The following MTM1 variants were observed in gnomAD, a reference collection of about 807,000 sequenced individuals.
MTM1 encodes the protein myotubularin.
In MTM1, 9 loss-of-function variants were observed where a neutral mutation model predicts 52.1. The observed-to-expected ratio is 0.17, with a 90% CI of 0.10 to 0.30. The LOEUF is 0.30. Ranked by LOEUF, MTM1 falls within the 10% of genes least tolerant of loss-of-function variation. MTM1 has a pLI of 1.00. For missense variants in MTM1, 277 were observed against 470.7 expected (o/e 0.59, Z 3.81); for synonymous variants, 136 against 163.8 (o/e 0.83, Z 1.29).
intron 10 of MTM1, among the ~76,000 whole-genome samples, chrX:150,656,930 C>T (rs1483776184): frequency 8.9e-6 from 1 of 111,899 alleles, no homozygotes; most frequent in Non-Finnish European, 1.9e-5. Flanking sequence ...GAGATACCAT[C>T]TCACACCAGT....
At chrX:150,583,313 T>A (rs1557411972) in intron 1 of MTM1, among the ~76,000 whole-genome samples, 1 of 54,981 alleles carries the variant, frequency 1.8e-5, no homozygotes, top group Non-Finnish European at 2.9e-5. Flanking sequence ...TTATATATAA[T>A]TATAAATATA....
chrX:150,622,109 G>A (rs1353064024), intron 6 of MTM1, among the ~76,000 whole-genome samples: 1 of 107,932 alleles, frequency 9.3e-6, no homozygotes, highest in Admixed American at 1.0e-4. Flanking sequence ...GATTTCTCAA[G>A]TCTGTGGTAC....
intron 6 of MTM1, among the ~76,000 whole-genome samples, chrX:150,631,893 CATGTTTGATTTTATTTCT>C (rs1557413585): frequency 9.0e-6 from 1 of 111,080 alleles, no homozygotes; most frequent in Non-Finnish European, 1.9e-5. Flanking sequence ...AATTCCTCTG[CATGTTTGATTTTATTTCT>C]AAGAGGTTCT....
At chrX:150,657,337 G>A (rs1603204005) in intron 10 of MTM1, among the ~76,000 whole-genome samples, 1 of 110,586 alleles carries the variant, frequency 9.0e-6, no homozygotes, top group East Asian at 2.8e-4. Flanking sequence ...CATGGATGAA[G>A]CTGGAAACCA....
intron 9 of MTM1, among the ~76,000 whole-genome samples, chrX:150,647,805 C>T (rs1348409878): frequency 3.6e-5 from 4 of 112,143 alleles, no homozygotes; most frequent in Non-Finnish European, 5.6e-5. Flanking sequence ...TTAAATTAAA[C>T]AAAATCCAAG....
intron 5 of MTM1, among the ~76,000 whole-genome samples, chrX:150,616,128 C>G (rs1343081592): frequency 9.0e-6 from 1 of 111,270 alleles, no homozygotes; most frequent in East Asian, 2.8e-4. Flanking sequence ...AAATATCAAT[C>G]CCCCCAAAAT....
chrX:150,601,107 C>T (rs1021465384), intron 4 of MTM1, among the ~76,000 whole-genome samples: 1 of 111,943 alleles, frequency 8.9e-6, no homozygotes, highest in Non-Finnish European at 1.9e-5. Flanking sequence ...ATTACTTTTA[C>T]AATTGGAAGA....
intron 2 of MTM1, among the ~76,000 whole-genome samples, chrX:150,593,844 A>G (rs1358467667): frequency 9.1e-6 from 1 of 110,178 alleles, no homozygotes; most frequent in Non-Finnish European, 1.9e-5. Flanking sequence ...GCGTGCGCCC[A>G]TAGTTCCAAC....
At chrX:150,629,267 A>G (rs782795176) in intron 6 of MTM1, among the ~76,000 whole-genome samples, 1 of 110,791 alleles carries the variant, frequency 9.0e-6, no homozygotes, top group Admixed American at 9.5e-5. Flanking sequence ...GCCAGTGGCC[A>G]TATATTCTCT....
chrX:150,586,065 A>G (rs2038781623), intron 1 of MTM1, among the ~76,000 whole-genome samples: 1 of 112,355 alleles, frequency 8.9e-6, no homozygotes, highest in Non-Finnish European at 1.9e-5. Flanking sequence ...TCTTTGCAAC[A>G]TTTAAAGAAA....
At chrX:150,583,691 ATT>A (rs2038697873) in intron 1 of MTM1, among the ~76,000 whole-genome samples, 2 of 39,014 alleles carry the variant, frequency 5.1e-5, no homozygotes, top group Admixed American at 6.3e-4. Flanking sequence ...ATTTGTATAT[ATT>A]ATTTATAAAT....
rs1557415193 is a variant in MTM1, at chrX:150,672,579, G to GAAA, written c.*984_*985insAAA. The GAAA allele has an allele frequency of 9.0e-6, 1 of 111,638 alleles. No individual in the cohort carries two copies. Among genetic ancestry groups the GAAA allele is most frequent in the Non-Finnish European group, 1.9e-5 (1 of 53,237 alleles). 9.2% of individuals were successfully genotyped at this position (111,638 alleles called of 1,213,427 possible). On this transcript the variant is annotated 3_prime_UTR_variant, in exon 15 of 15. Transcript: ENST00000370396. ...GTGTTTATGCATTTCAATTTCAATG[G>GAAA]TGTTGGCTTCCCCTCCCCACCCCAC...
At chrX:150,664,510 C>T (rs949008245) in intron 14 of MTM1, among the ~76,000 whole-genome samples, 6 of 112,583 alleles carry the variant, frequency 5.3e-5, no homozygotes, top group African/African-American at 1.9e-4. Context: ...AAGCTGGCAC[C>T]CTCATTTCAA....
intron 6 of MTM1, among the ~76,000 whole-genome samples, chrX:150,620,173 T>C (rs2148463038): frequency 8.9e-6 from 1 of 112,180 alleles, no homozygotes; most frequent in Admixed American, 9.4e-5. Context: ...AATTAGGAAA[T>C]GTGTTCTGTC....
chrX:150,629,256 C>T (rs1056269864), intron 6 of MTM1, among the ~76,000 whole-genome samples: 3 of 111,652 alleles, frequency 2.7e-5, no homozygotes, highest in African/African-American at 6.5e-5. Context: ...CTGAGATGTT[C>T]GCCAGTGGCC....
intron 8 of MTM1, among the ~76,000 whole-genome samples, chrX:150,643,362 A>T (rs1402499815): frequency 8.9e-6 from 1 of 112,051 alleles, no homozygotes; most frequent in Admixed American, 9.5e-5. Context: ...ATTCTCAAAC[A>T]GATTTCTCTT....
intron 12 of MTM1, among the ~76,000 whole-genome samples, 195 bp from the exon 13 acceptor site, chrX:150,660,176 A>C (rs1232927723): frequency 8.9e-6 from 1 of 112,035 alleles, no homozygotes; most frequent in Non-Finnish European, 1.9e-5. Flanking sequence ...TGCTTTATTT[A>C]ACACTTAAAG....
intron 8 of MTM1, 28 bp from the exon 9 acceptor site, chrX:150,645,655 T>C (rs1297702336): frequency 3.3e-6 from 4 of 1,194,366 alleles, no homozygotes; most frequent in Non-Finnish European, 4.5e-6. Flanking sequence ...GCTTTCTTGA[T>C]AGCTTAAACT....
intron 1 of MTM1, among the ~76,000 whole-genome samples, chrX:150,587,786 G>C (rs1603112699): frequency 2.7e-5 from 3 of 111,732 alleles, no homozygotes; most frequent in Middle Eastern, 9.3e-3. Flanking sequence ...GTTCTCATTG[G>C]GGGTGACGCT....
Sources: allele counts gnomAD v4.1 joint callset (sites outside exome capture counted in the v4.1 genomes callset), GRCh38; gene constraint gnomAD v4.1.1; transcripts MANE v1.5; gene names NCBI Gene and HGNC (gene_info 2026-07-23, HGNC 2026-07-21).